HECW1: variants seen among roughly 807,000 people sequenced by gnomAD.
HECW1 encodes E3 ubiquitin-protein ligase HECW1.
Under a neutral mutation model 182.3 loss-of-function variants are expected in HECW1, and 61 were observed. The observed-to-expected ratio is 0.33, with a 90% confidence interval of 0.27 to 0.41. The LOEUF is 0.41. Ranked by LOEUF, HECW1 falls within the 10% of genes least tolerant of loss-of-function variation. The pLI is 1.00. For synonymous variants in HECW1, 859 were observed against 832.6 expected (o/e 1.03, Z -0.55); for missense variants, 1,739 against 2,108.9 (o/e 0.82, Z 3.44).
chr7:43,425,129 G>A (rs867346653), intron 8 of HECW1, among the ~76,000 whole-genome samples: 20 of 152,070 alleles, frequency 1.3e-4, no homozygotes, highest in African/African-American at 4.8e-4. Flanking sequence ...AAGCCATAAA[G>A]CCATAGCAAT....
chr7:43,230,840 C>A (rs1797819332), intron 2 of HECW1, among the ~76,000 whole-genome samples: 1 of 152,160 alleles, frequency 6.6e-6, no homozygotes, highest in African/African-American at 2.4e-5. Context: ...AATTCATTGT[C>A]ATATTCATAC....
chr7:43,392,301 T>C (rs766647986), intron 6 of HECW1, among the ~76,000 whole-genome samples: 2 of 151,788 alleles, frequency 1.3e-5, no homozygotes, highest in Non-Finnish European at 2.9e-5. Context: ...GGTATGTAAA[T>C]GGAGTTATCA....
chr7:43,238,562 A>G (rs1341474477), intron 2 of HECW1, among the ~76,000 whole-genome samples: 1 of 152,208 alleles, frequency 6.6e-6, no homozygotes, highest in Non-Finnish European at 1.5e-5. Context: ...AAAGTGTCAA[A>G]TGGGAAGTTA....
chr7:43,451,320 G>A lies in HECW1; in HGVS notation c.2500+391G>A, dbSNP rs111765657. On this transcript the variant is annotated intron_variant, in intron 12 of 29. Coordinates refer to ENST00000395891, the MANE Select transcript of HECW1 (RefSeq NM_015052.5). ...TATTGTTCTCCATTGGATCTGTTACGTCACAAGCATCTCCATATGTTAAAA... is the reference window on the plus strand; with the variant it reads ...TATTGTTCTCCATTGGATCTGTTACATCACAAGCATCTCCATATGTTAAAA... Among the ~76,000 whole-genome samples the A allele has an allele frequency of 1.3e-3, 197 of 152,282 alleles. 1 individual carries two copies. Among genetic ancestry groups the A allele is most frequent in the African/African-American group, 4.3e-3 (178 of 41,560 alleles).
chr7:43,161,398 G>C (rs936921235), intron 2 of HECW1, among the ~76,000 whole-genome samples: 1 of 152,184 alleles, frequency 6.6e-6, no homozygotes, highest in Non-Finnish European at 1.5e-5. Context: ...GTGTGGCCTT[G>C]TCCTGAGAGC....
At chr7:43,169,944 G>T (rs1183350142) in intron 2 of HECW1, among the ~76,000 whole-genome samples, 1 of 152,146 alleles carries the variant, frequency 6.6e-6, no homozygotes, top group Non-Finnish European at 1.5e-5. Context: ...CACATGTATA[G>T]AGGGTAAGTG....
At chr7:43,459,107 C>T (rs540664071) in intron 13 of HECW1, among the ~76,000 whole-genome samples, 60 of 152,312 alleles carry the variant, frequency 3.9e-4, no homozygotes, top group African/African-American at 1.2e-3. Flanking sequence ...CCACCTGAAA[C>T]ATATCTCATC....
At chr7:43,510,930 G>A (rs114191674) in intron 24 of HECW1, 3,984 of 152,324 alleles carry the variant, frequency 0.026, 66 homozygotes, top group African/African-American at 0.04. Flanking sequence ...AGTGGCCTCC[G>A]TCACTTTCCA....
At chr7:43,168,813 C>A (rs1211938127) in intron 2 of HECW1, among the ~76,000 whole-genome samples, 1 of 152,148 alleles carries the variant, frequency 6.6e-6, no homozygotes, top group Non-Finnish European at 1.5e-5. Flanking sequence ...CTCAGTTTCA[C>A]CTGCAATTAG....
intron 7 of HECW1, among the ~76,000 whole-genome samples, chr7:43,397,189 A>G (rs1456941300): frequency 6.6e-6 from 1 of 152,182 alleles, no homozygotes; most frequent in Non-Finnish European, 1.5e-5. Flanking sequence ...AAGGGGAAGT[A>G]AGGAAAACCT....
intron 3 of HECW1, among the ~76,000 whole-genome samples, chr7:43,277,192 C>T (rs1803270738): frequency 6.6e-6 from 1 of 152,186 alleles, no homozygotes. Flanking sequence ...TCCTCTCCAT[C>T]CTCCTACTCA....
chr7:43,168,270 CAGAG>C (rs950804977), intron 2 of HECW1, among the ~76,000 whole-genome samples: 1 of 151,678 alleles, frequency 6.6e-6, no homozygotes, highest in Non-Finnish European at 1.5e-5. Flanking sequence ...GTGTGAGAGA[CAGAG>C]AGAGAGAGAC....
At chr7:43,471,026 T>C (rs1392258503) in intron 16 of HECW1, among the ~76,000 whole-genome samples, 2 of 152,238 alleles carry the variant, frequency 1.3e-5, no homozygotes, top group Non-Finnish European at 2.9e-5. Context: ...GTAATGCCTA[T>C]GTTGCCTTCA....
intron 28 of HECW1, among the ~76,000 whole-genome samples, chr7:43,554,139 G>A (rs1034801287): frequency 6.6e-6 from 1 of 152,216 alleles, no homozygotes; most frequent in Admixed American, 6.5e-5. Context: ...CTGGCTGTTC[G>A]CCTCCAGCCT....
intron 3 of HECW1, among the ~76,000 whole-genome samples, chr7:43,281,002 C>A (rs1230339715): frequency 6.6e-6 from 1 of 152,138 alleles, no homozygotes; most frequent in Non-Finnish European, 1.5e-5. Flanking sequence ...TTTCTCCCCC[C>A]ATGAAAATTG....
chr7:43,193,673 C>T (rs1393689343), intron 2 of HECW1, among the ~76,000 whole-genome samples: 1 of 152,192 alleles, frequency 6.6e-6, no homozygotes, highest in Admixed American at 6.5e-5. Context: ...TGAGCCACCA[C>T]ACCCGGCCAC....
intron 5 of HECW1, among the ~76,000 whole-genome samples, chr7:43,353,889 C>G (rs1355640741): frequency 6.6e-6 from 1 of 152,120 alleles, no homozygotes; most frequent in Non-Finnish European, 1.5e-5. Flanking sequence ...TATAGCTCAG[C>G]CAAAGGAGAC....
At chr7:43,388,295 A>G (rs188389008) in intron 6 of HECW1, among the ~76,000 whole-genome samples, 1 of 152,376 alleles carries the variant, frequency 6.6e-6, no homozygotes, top group East Asian at 1.9e-4. Context: ...TTATTATGCA[A>G]TACAATAATG....
intron 24 of HECW1, among the ~76,000 whole-genome samples, chr7:43,537,600 A>G (rs2081222760): frequency 6.6e-6 from 1 of 152,016 alleles, no homozygotes; most frequent in Non-Finnish European, 1.5e-5. Flanking sequence ...CTATTGTTTT[A>G]TTTTCCTTCA....
Sources: gnomAD v4.1 joint callset for allele counts (sites outside exome capture counted in the v4.1 genomes callset) on GRCh38, gnomAD v4.1.1 for gene constraint, MANE v1.5 for transcripts, NCBI Gene and HGNC (gene_info 2026-07-23, HGNC 2026-07-21) for gene names.